The following CNTN5 variants were observed in gnomAD, a reference collection of about 807,000 sequenced individuals.
CNTN5 encodes the protein contactin-5.
A neutral mutation model predicts 129.1 loss-of-function variants in CNTN5; 77 were observed. That is an observed-to-expected ratio of 0.60 (90% CI 0.50 to 0.72). The LOEUF (loss-of-function observed/expected upper bound fraction) is 0.72. CNTN5 is among the 30% of genes least tolerant of loss of function. The pLI, the probability that CNTN5 is intolerant of heterozygous loss-of-function variation, is 0.00. For synonymous variants in CNTN5, 509 were observed against 465.6 expected (o/e 1.09, Z -1.20); for missense variants, 1,478 against 1,328.8 (o/e 1.11, Z -1.75).
At chr11:99,301,559 A>G (rs945321547) in intron 1 of CNTN5, among the ~76,000 whole-genome samples, 3 of 151,880 alleles carry the variant, frequency 2.0e-5, no homozygotes, top group Admixed American at 2.0e-4. Context: ...ATAAGTATTT[A>G]TGCATCTGAC....
intron 2 of CNTN5, among the ~76,000 whole-genome samples, chr11:99,455,154 C>G (rs1294516422): frequency 2.6e-5 from 4 of 152,076 alleles, no homozygotes; most frequent in Admixed American, 6.6e-5. Context: ...CTGCAGAAAA[C>G]TAACTCCAAA....
At chr11:99,503,342 G>C (rs551854018) in intron 2 of CNTN5, among the ~76,000 whole-genome samples, 14 of 152,290 alleles carry the variant, frequency 9.2e-5, no homozygotes, top group Admixed American at 2.0e-4. Context: ...ACACAACTAT[G>C]AATAAAGTTT....
chr11:100,122,361 C>T (rs2138169452), intron 13 of CNTN5, among the ~76,000 whole-genome samples: 1 of 152,096 alleles, frequency 6.6e-6, no homozygotes, highest in South Asian at 2.1e-4. Context: ...TCTTTTTGTT[C>T]TATCAGGCGC....
At chr11:100,038,211 T>A (rs2137657686) in intron 9 of CNTN5, among the ~76,000 whole-genome samples, 1 of 152,302 alleles carries the variant, frequency 6.6e-6, no homozygotes, top group South Asian at 2.1e-4. Flanking sequence ...ATTTCTGCCT[T>A]CATTTCGTTA....
intron 13 of CNTN5, among the ~76,000 whole-genome samples, chr11:100,145,963 T>C (rs892987636): frequency 1.3e-5 from 2 of 152,192 alleles, no homozygotes; most frequent in Non-Finnish European, 2.9e-5. Context: ...TAGAATCAGA[T>C]ACCATGGAAT....
intron 6 of CNTN5, among the ~76,000 whole-genome samples, chr11:99,901,295 AT>A (rs1006508741): frequency 1.2e-4 from 18 of 148,648 alleles, no homozygotes; most frequent in South Asian, 2.1e-4. Context: ...TACATTTTCT[AT>A]TTTTTTTTTC....
At chr11:99,752,795 A>C (rs182875050) in intron 3 of CNTN5, among the ~76,000 whole-genome samples, 14 of 152,326 alleles carry the variant, frequency 9.2e-5, no homozygotes, top group Admixed American at 8.5e-4. Context: ...GAAAAAAGTA[A>C]CTGCTTTATT....
chr11:99,260,983 G>C (rs1862600452), intron 1 of CNTN5, among the ~76,000 whole-genome samples: 1 of 151,810 alleles, frequency 6.6e-6, no homozygotes, highest in African/African-American at 2.4e-5. Context: ...TACTTGTGAT[G>C]AATCAGTATT....
At chr11:99,552,014 T>G (rs1948502231) in intron 2 of CNTN5, among the ~76,000 whole-genome samples, 1 of 151,706 alleles carries the variant, frequency 6.6e-6, no homozygotes, top group Admixed American at 6.6e-5. Flanking sequence ...TTCAAGTGAT[T>G]CTCATGTCTC....
intron 17 of CNTN5, 123 bp from the exon 18 acceptor site, chr11:100,270,969 C>G (rs1014085761): frequency 1.6e-5 from 12 of 731,290 alleles, no homozygotes; most frequent in Non-Finnish European, 2.6e-5. Flanking sequence ...ACACCATGAC[C>G]ACGTGTCGTG....
intron 1 of CNTN5, among the ~76,000 whole-genome samples, chr11:99,205,229 A>C (rs1859419458): frequency 1.3e-5 from 2 of 152,144 alleles, no homozygotes; most frequent in South Asian, 4.1e-4. Context: ...TTGGTCACTG[A>C]ATAGTATTAA....
At chr11:100,306,010 G>A (rs143680946) in intron 20 of CNTN5, among the ~76,000 whole-genome samples, 2 of 151,258 alleles carry the variant, frequency 1.3e-5, no homozygotes, top group South Asian at 2.1e-4. Flanking sequence ...ACAAATTTTG[G>A]GGGGGGCACA....
chr11:99,634,102 T>C (rs1591393681), intron 3 of CNTN5, among the ~76,000 whole-genome samples: 1 of 152,282 alleles, frequency 6.6e-6, no homozygotes, highest in East Asian at 1.9e-4. Flanking sequence ...ATGCAGGATG[T>C]ATTGGAAGTG....
rs549022522 is a variant in CNTN5, at chr11:100,104,030, C to T, written c.1580+29736C>T. On this transcript the variant is annotated intron_variant, in intron 13 of 24. Coordinates refer to ENST00000524871, the MANE Select transcript of CNTN5 (RefSeq NM_014361.4). The stretch of plus-strand genomic sequence containing the variant: ...GAATGGAAATTTGTTAAATTATCTG[C>T]TTCTCACATATTATTTTAAAACAAA... Among the ~76,000 whole-genome samples the T allele has an allele frequency of 5.3e-5, 8 of 151,526 alleles. No individual in the cohort carries two copies. The South Asian group carries it at 1.7e-3, about 32-fold the overall frequency.
chr11:99,842,371 C>T (rs1309693564), intron 4 of CNTN5, among the ~76,000 whole-genome samples: 1 of 152,138 alleles, frequency 6.6e-6, no homozygotes, highest in Non-Finnish European at 1.5e-5. Context: ...AGTTATTAAT[C>T]ACAATTTATT....
At chr11:99,226,219 T>C (rs1243901607) in intron 1 of CNTN5, among the ~76,000 whole-genome samples, 1 of 152,190 alleles carries the variant, frequency 6.6e-6, no homozygotes, top group Non-Finnish European at 1.5e-5. Flanking sequence ...TGAAAGAATT[T>C]TAGTCTTAAA....
chr11:99,732,903 T>C (rs1400726647), intron 3 of CNTN5, among the ~76,000 whole-genome samples: 1 of 152,124 alleles, frequency 6.6e-6, no homozygotes, highest in Non-Finnish European at 1.5e-5. Context: ...ATTAGATGTA[T>C]AGAAATAAAA....
Position 99,135,426 on chromosome 11 carries a change from A to C in CNTN5, c.-210+114156A>C, listed in dbSNP as rs188680198. Among the ~76,000 whole-genome samples, 868 of 152,274 alleles carry C rather than the reference A, an allele frequency of 5.7e-3. 6 individuals are homozygous for C. The highest frequency in any genetic ancestry group is 6.9e-3 in the Non-Finnish European group (466 of 68,014). ...AAAGGGCATTCCAGTCAGAAGAAAT[A>C]GCAAGTACAAAGACATTACGGTGAA... On this transcript the variant is annotated intron_variant, in intron 1 of 24. Transcript: ENST00000524871.
At chr11:99,247,806 G>A (rs1861892270) in intron 1 of CNTN5, among the ~76,000 whole-genome samples, 1 of 152,074 alleles carries the variant, frequency 6.6e-6, no homozygotes, top group Non-Finnish European at 1.5e-5. Flanking sequence ...ATTTTTTATG[G>A]CTGCATGGTA....
Sources: allele counts gnomAD v4.1 joint callset (sites outside exome capture counted in the v4.1 genomes callset), GRCh38; gene constraint gnomAD v4.1.1; transcripts MANE v1.5; gene names NCBI Gene and HGNC (gene_info 2026-07-23, HGNC 2026-07-21).